Variants in RNF111 observed in about 807,000 individuals in gnomAD.
RNF111 encodes the protein E3 ubiquitin-protein ligase Arkadia.
RNF111 carries 17 observed loss-of-function variants against 95.1 expected under a neutral mutation model. The observed-to-expected ratio is 0.18, with a 90% CI of 0.12 to 0.27. The LOEUF is 0.27. Ranked by LOEUF, RNF111 falls within the 10% of genes least tolerant of loss-of-function variation. The pLI is 1.00. For missense variants in RNF111, 1,189 were observed against 1,210.4 expected (o/e 0.98, Z 0.26); for synonymous variants, 440 against 414.8 (o/e 1.06, Z -0.74).
chr15:59,046,444 C>A (rs1486653730), intron 2 of RNF111, among the ~76,000 whole-genome samples: 1 of 152,188 alleles, frequency 6.6e-6, no homozygotes, highest in Non-Finnish European at 1.5e-5. Flanking sequence ...CTGCCCACCT[C>A]AGCCTACCAG....
At chr15:58,999,477 A>G (rs1218491419) in intron 1 of RNF111, among the ~76,000 whole-genome samples, 1 of 151,984 alleles carries the variant, frequency 6.6e-6, no homozygotes. Flanking sequence ...CTGGGATTAC[A>G]GGCATGCACC....
intron 7 of RNF111, among the ~76,000 whole-genome samples, chr15:59,079,130 T>G (rs369916832): frequency 6.6e-6 from 1 of 152,236 alleles, no homozygotes; most frequent in African/African-American, 2.4e-5. Flanking sequence ...CTGTTTTGTT[T>G]AAACAGTGAA....
intron 2 of RNF111, among the ~76,000 whole-genome samples, chr15:59,050,701 T>A (rs1358264711): frequency 3.3e-5 from 5 of 152,212 alleles, no homozygotes; most frequent in Admixed American, 2.6e-4. Context: ...ATCATTACAA[T>A]CAGTGCCATG....
chr15:59,038,795 T>C (rs1384130639), intron 2 of RNF111, among the ~76,000 whole-genome samples: 1 of 152,216 alleles, frequency 6.6e-6, no homozygotes, highest in African/African-American at 2.4e-5. Flanking sequence ...GGCAGTACTT[T>C]GTTGATGATA....
intron 2 of RNF111, among the ~76,000 whole-genome samples, chr15:59,041,081 A>G (rs182513318): frequency 6.6e-6 from 1 of 152,212 alleles, no homozygotes; most frequent in South Asian, 2.1e-4. Context: ...TTGTTGGGGT[A>G]TACAGAGATA....
chr15:59,026,566 C>G (rs2040621286), intron 1 of RNF111, among the ~76,000 whole-genome samples: 1 of 152,126 alleles, frequency 6.6e-6, no homozygotes, highest in African/African-American at 2.4e-5. Context: ...AAATAAAAGA[C>G]TAGAATATGG....
At chr15:59,016,905 C>G (rs2040093287) in intron 1 of RNF111, among the ~76,000 whole-genome samples, 1 of 151,824 alleles carries the variant, frequency 6.6e-6, no homozygotes, top group Non-Finnish European at 1.5e-5. Context: ...AGCATGAACC[C>G]TATTGTGAAC....
At chr15:59,010,877 G>A (rs1290857328) in intron 1 of RNF111, among the ~76,000 whole-genome samples, 3 of 152,128 alleles carry the variant, frequency 2.0e-5, no homozygotes, top group African/African-American at 7.2e-5. Context: ...TCCTTCTCCT[G>A]TTATTTAATT....
intron 3 of RNF111, among the ~76,000 whole-genome samples, chr15:59,052,670 C>G (rs1382745926): frequency 6.1e-5 from 9 of 147,332 alleles, no homozygotes; most frequent in African/African-American, 2.3e-4. Context: ...GTCTCATTCT[C>G]CATAGTAGCT....
chr15:59,029,564 C>T (rs1567225470), intron 1 of RNF111, among the ~76,000 whole-genome samples: 1 of 152,172 alleles, frequency 6.6e-6, no homozygotes, highest in African/African-American at 2.4e-5. Context: ...AAGTTATATA[C>T]TATAGTAACA....
chr15:59,041,766 C>T (rs1016728633), intron 2 of RNF111, among the ~76,000 whole-genome samples: 1 of 152,134 alleles, frequency 6.6e-6, no homozygotes, highest in Admixed American at 6.6e-5. Flanking sequence ...TGCCTGTTTT[C>T]TCAAAATCCT....
At chr15:59,028,221 A>G (rs2040722780) in intron 1 of RNF111, among the ~76,000 whole-genome samples, 1 of 152,194 alleles carries the variant, frequency 6.6e-6, no homozygotes, top group Non-Finnish European at 1.5e-5. Flanking sequence ...CAGACATTCC[A>G]TATAAAGGGA....
In RNF111 at chr15:59,096,184, A is replaced by T. The variant is rs1445058970; in HGVS notation, c.*1284A>T. The T allele has an allele frequency of 7.6e-6, 3 of 397,276 alleles. No homozygotes were observed. The highest frequency in any genetic ancestry group is 2.1e-5 in the African/African-American group (1 of 48,598). The allele number at this position is 397,276 out of a possible 1,614,324, so 24.6% of individuals were successfully genotyped here. A position where few individuals can be genotyped will look rare whatever the true frequency, so the allele number is the denominator to read the frequency against. ...TAACATACTAACATTTCTCCTTTGG[A>T]GGAAGTTTTAATCTACTTCAGGATG... On this transcript the variant is annotated 3_prime_UTR_variant, in exon 14 of 14. Transcript: ENST00000348370.
At chr15:59,004,503 C>A (rs2039454458) in intron 1 of RNF111, among the ~76,000 whole-genome samples, 1 of 152,124 alleles carries the variant, frequency 6.6e-6, no homozygotes, top group Non-Finnish European at 1.5e-5. Flanking sequence ...AGTAAAAATT[C>A]AAACCATAAA....
chr15:59,083,609 G>A (rs1596303538), intron 8 of RNF111, among the ~76,000 whole-genome samples: 2 of 148,880 alleles, frequency 1.3e-5, no homozygotes, highest in East Asian at 3.9e-4. Flanking sequence ...CATGTGTTTT[G>A]AAAAAAAATG....
rs368840094 is a variant in RNF111, at chr15:59,021,732, C to T, written c.-19-9072C>T. ...GACTGTAACTCAGTGATCCCTGGATCGAAAATCTACATCACTGTTCACTGT... is the reference window on the plus strand; with the variant it reads ...GACTGTAACTCAGTGATCCCTGGATTGAAAATCTACATCACTGTTCACTGT... On this transcript the variant is annotated intron_variant, in intron 1 of 13. Transcript: ENST00000348370. Among the ~76,000 whole-genome samples the T allele has an allele frequency of 1.8e-4, 27 of 152,258 alleles. No individual in the cohort carries two copies. The East Asian group carries it at 2.9e-3, about 16-fold the overall frequency.
chr15:59,002,823 T>G (rs772844636), intron 1 of RNF111, among the ~76,000 whole-genome samples: 3 of 152,214 alleles, frequency 2.0e-5, no homozygotes, highest in Admixed American at 6.5e-5. Context: ...TTAGGCATAT[T>G]CCTGTCACAT....
At chr15:58,997,393 A>G (rs1011156852) in intron 1 of RNF111, among the ~76,000 whole-genome samples, 2 of 152,154 alleles carry the variant, frequency 1.3e-5, no homozygotes, top group Non-Finnish European at 2.9e-5. Context: ...ACACCAGTTG[A>G]CATTTGCACT....
At chr15:59,068,193 C>A (rs2042749863) in intron 6 of RNF111, among the ~76,000 whole-genome samples, 1 of 152,036 alleles carries the variant, frequency 6.6e-6, no homozygotes, top group Non-Finnish European at 1.5e-5. Flanking sequence ...GCACTCCAGC[C>A]TGGGCGACAG....
Sources: allele counts gnomAD v4.1 joint callset (sites outside exome capture counted in the v4.1 genomes callset), GRCh38; gene constraint gnomAD v4.1.1; transcripts MANE v1.5; gene names NCBI Gene and HGNC (gene_info 2026-07-23, HGNC 2026-07-21).